MYNN: variants seen among roughly 807,000 people sequenced by gnomAD.
MYNN encodes the protein myoneurin.
A neutral mutation model predicts 57.2 loss-of-function variants in MYNN; 22 were observed. The observed-to-expected ratio is 0.38, with a 90% CI of 0.27 to 0.55. The LOEUF is 0.55. Among genes scored for constraint, MYNN ranks in the 20% least tolerant of loss-of-function variants. The pLI, the probability that MYNN is intolerant of heterozygous loss-of-function variation, is 0.71. For synonymous variants in MYNN, 241 were observed against 257.1 expected, an observed-to-expected ratio of 0.94 and a Z score of 0.60; for missense variants, 566 against 723.1, an observed-to-expected ratio of 0.78 and a Z score of 2.49.
rs911906436 is a variant in MYNN, at chr3:169,788,508, G to T, written c.*1830G>T. On this transcript the variant is annotated 3_prime_UTR_variant, in exon 8 of 8. Coordinates refer to ENST00000349841, the MANE Select transcript of MYNN (RefSeq NM_018657.5). ...TTAGGAAGTTTGCTAAAATGGAGAGGTTATGTTTAATTTATTTATATCTTC... is the reference window on the plus strand; with the variant it reads ...TTAGGAAGTTTGCTAAAATGGAGAGTTTATGTTTAATTTATTTATATCTTC... 1 of 152,128 alleles carries T rather than the reference G, an allele frequency of 6.6e-6. No homozygotes were observed. Among genetic ancestry groups the T allele is most frequent in the Non-Finnish European group, 1.5e-5 (1 of 67,988 alleles). 9.4% of individuals were successfully genotyped at this position (152,128 alleles called of 1,614,324 possible). A position where few individuals can be genotyped will look rare whatever the true frequency, so the allele number is the denominator to read the frequency against.
At position 169,782,858 on chromosome 3, in the gene MYNN, T is replaced by C. The variant is rs1199524048; in HGVS notation, c.1399+215T>C. 6.6e-6 allele frequency among the ~76,000 whole-genome samples: 1 copy of C among 152,206 alleles called. No individual in the cohort carries two copies. The highest frequency in any genetic ancestry group is 1.5e-5 in the Non-Finnish European group (1 of 68,028). The stretch of plus-strand genomic sequence containing the variant: ...AGGTGGGTGAAATAAATTATATAAC[T>C]TACACATTAAAATCAGTGAGATAAT... On this transcript the variant is annotated intron_variant, in intron 5 of 7. Coordinates refer to ENST00000349841, the MANE Select transcript of MYNN (RefSeq NM_018657.5). The surrounding 1 kb of genome is among the most constrained non-coding windows in gnomAD (Gnocchi z 4.8).
At position 169,786,421 on chromosome 3, in the gene MYNN, G is replaced by A; in HGVS notation, c.1576G>A (p.Asp526Asn). Reference protein sequence around the residue: ...KHKTKVHSGADKTLDSSAEDH... With the variant: ...KHKTKVHSGANKTLDSSAEDH... ...TTTTTTTCCTTCCATTCTAGGTGCA[G>A]ATAAAACTCTAGACTCCAGTGCAGA... Residue 526 changes from aspartate to asparagine, a missense_variant, in exon 8 of 8, where the codon GAT becomes AAT. By Grantham distance (23) the Asp-to-Asn change is conservative. This residue lies in a region of MYNN where 156 missense variants were observed against 163.9 expected (regional missense o/e 0.95). Coordinates refer to ENST00000349841, the MANE Select transcript of MYNN (RefSeq NM_018657.5). 1 of 1,609,314 alleles carries A rather than the reference G, an allele frequency of 6.2e-7. No homozygotes were observed. The highest frequency in any genetic ancestry group is 8.5e-7 in the Non-Finnish European group (1 of 1,176,776).
chr3:169,783,432 T>C lies in MYNN; in HGVS notation c.1400-45T>C, dbSNP rs546074889. The C allele has an allele frequency of 2.9e-6, 3 of 1,036,316 alleles. No homozygotes were observed. The South Asian group carries it at 4.2e-5, about 14-fold the overall frequency. 64.2% of individuals were successfully genotyped at this position (1,036,316 alleles called of 1,614,324 possible). On this transcript the variant is annotated intron_variant, in intron 5 of 7. Transcript: ENST00000349841. The stretch of plus-strand genomic sequence containing the variant: ...GATTATTTGTAATTGATAAATATTA[T>C]ATTGGTATAGTACACCACTTCGCTA...
chr3:169,784,928 A>AC (rs1326108998), intron 7 of MYNN, among the ~76,000 whole-genome samples: 1 of 151,462 alleles, frequency 6.6e-6, no homozygotes, highest in Non-Finnish European at 1.5e-5. Flanking sequence ...AAAAAAAAAA[A>AC]AACTTGAAAC....
chr3:169,773,773 C>T (rs1778245303), intron 1 of MYNN, among the ~76,000 whole-genome samples: 1 of 152,182 alleles, frequency 6.6e-6, no homozygotes, highest in African/African-American at 2.4e-5. Context: ...CCTTTGACAG[C>T]AAGCCATGGC....
At chr3:169,785,510 C>T (rs1778651998) in intron 7 of MYNN, among the ~76,000 whole-genome samples, 2 of 151,746 alleles carry the variant, frequency 1.3e-5, no homozygotes, top group South Asian at 2.1e-4. Flanking sequence ...AGGGCATAAT[C>T]GACACAAAAG....
At position 169,779,352 on chromosome 3, in the gene MYNN, A is replaced by T; in HGVS notation, c.851A>T (p.Tyr284Phe). 6.2e-6 allele frequency: 10 copies of T among 1,614,236 alleles called. No homozygotes were observed. The highest frequency in any genetic ancestry group is 1.3e-5 in the African/African-American group (1 of 75,080). Residue 284 changes from tyrosine (Y) to phenylalanine (F), a missense_variant, in exon 3 of 8, where the codon TAT becomes TTT. Physicochemically the swap from Tyr to Phe is conservative, Grantham distance 22. Around this residue, in one of 4 missense-constraint regions of MYNN, gnomAD observed 261 missense variants for 280.8 expected, o/e 0.93. Coordinates refer to ENST00000349841, the MANE Select transcript of MYNN (RefSeq NM_018657.5). ...MSNIASVKSP[Y>F]EAENSGEELD... ...AATATAGCCAGCGTCAAGAGTCCTT[A>T]TGAGGCGGAGAACTCCGGGGAAGAG...
rs763965351 is a variant in MYNN, at chr3:169,774,503, G to A, written c.208G>A (p.Ala70Thr). The A allele has an allele frequency of 1.9e-6, 3 of 1,613,850 alleles. No individual in the cohort carries two copies. Among genetic ancestry groups the A allele is most frequent in the African/African-American group, 1.3e-5 (1 of 74,918 alleles). The change falls in exon 2 of 8, where the codon GCT becomes ACT. Residue 70 changes from alanine to threonine, a missense_variant. Transcript: ENST00000349841. ...CTTTCTTGATCAGAGTCAGGTGAAGGCTGATGGATTTCAGAAACTGTTGGA... is the reference window on the plus strand; with the variant it reads ...CTTTCTTGATCAGAGTCAGGTGAAGACTGATGGATTTCAGAAACTGTTGGA... ...NVFLDQSQVK[A>T]DGFQKLLEFI...
chr3:169,779,013 C>A lies in MYNN; in HGVS notation c.512C>A (p.Ala171Glu), dbSNP rs764466451. The A allele has an allele frequency of 6.2e-7, 1 of 1,613,786 alleles. No individual in the cohort carries two copies. The highest frequency in any genetic ancestry group is 8.5e-7 in the Non-Finnish European group (1 of 1,180,016). The change falls in exon 3 of 8, where the codon GCG (alanine) becomes GAG (glutamate). Residue 171 changes from alanine to glutamate, a missense_variant. Around this residue, in one of 4 missense-constraint regions of MYNN, gnomAD observed 261 missense variants for 280.8 expected, o/e 0.93. Coordinates refer to ENST00000349841, the MANE Select transcript of MYNN (RefSeq NM_018657.5). ...DLIQANPKQG[A>E]LAKKSSQTKK... ...ATTCAGGCAAATCCTAAACAAGGCGCGTTAGCGAAAAAGTCATCTCAAACG... is the reference window on the plus strand; with the variant it reads ...ATTCAGGCAAATCCTAAACAAGGCGAGTTAGCGAAAAAGTCATCTCAAACG...
Position 169,788,307 on chromosome 3 carries a change from C to A in MYNN, c.*1629C>A, listed in dbSNP as rs76993079. 2 of 152,084 alleles carry A rather than the reference C, an allele frequency of 1.3e-5. No individual in the cohort carries two copies. Among genetic ancestry groups the A allele is most frequent in the South Asian group, 4.1e-4 (2 of 4,830 alleles). The allele number at this position is 152,084 out of a possible 1,614,324, so 9.4% of individuals were successfully genotyped here. ...TTTGAAATACCACCTTTGTATGATGCAAACAATATTTGATTATTTTATCTA... is the reference window on the plus strand; with the variant it reads ...TTTGAAATACCACCTTTGTATGATGAAAACAATATTTGATTATTTTATCTA... On this transcript the variant is annotated 3_prime_UTR_variant, in exon 8 of 8. Coordinates refer to ENST00000349841, the MANE Select transcript of MYNN (RefSeq NM_018657.5).
In MYNN at chr3:169,779,226, A is replaced by G. The variant is rs149700988; in HGVS notation, c.725A>G (p.Glu242Gly). ...NSELELTSVV[E>G]NTFPAQDIVH... ...GAACTCGAGTTGACATCAGTTGTGG[A>G]AAATACTTTTCCAGCACAAGATATT... Residue 242 changes from glutamate (E) to glycine (G), a missense_variant, in exon 3 of 8, where the codon GAA (glutamate) becomes GGA (glycine). By Grantham distance (98) the Glu-to-Gly change is moderately conservative. Transcript: ENST00000349841. 6.2e-7 allele frequency: 1 copy of G among 1,614,104 alleles called. No homozygotes were observed. Among genetic ancestry groups the G allele is most frequent in the Non-Finnish European group, 8.5e-7 (1 of 1,180,050 alleles).
rs147441397 is a variant in MYNN at position 169,779,019 on chromosome 3, C to T, written c.518C>T (p.Ala173Val). 4.1e-5 allele frequency: 66 copies of T among 1,613,742 alleles called. No homozygotes were observed. The Admixed American group carries it at 9.2e-4, about 22-fold the overall frequency. Residue 173 changes from alanine (A) to valine (V), a missense_variant, in exon 3 of 8, where the codon GCG becomes GTG. By Grantham distance (64) the Ala-to-Val change is moderately conservative (BLOSUM62 0). Transcript: ENST00000349841. ...GCAAATCCTAAACAAGGCGCGTTAG[C>T]GAAAAAGTCATCTCAAACGAAAAAG... ...IQANPKQGAL[A>V]KKSSQTKKKK...
chr3:169,786,886 T>G lies in MYNN; in HGVS notation c.*208T>G. 1 of 529,944 alleles carries G rather than the reference T, an allele frequency of 1.9e-6. No homozygotes were observed. The highest frequency in any genetic ancestry group is 2.6e-5 in the South Asian group (1 of 38,044). 32.8% of individuals were successfully genotyped at this position (529,944 alleles called of 1,614,324 possible). A position where few individuals can be genotyped will look rare whatever the true frequency, so the allele number is the denominator to read the frequency against. On this transcript the variant is annotated 3_prime_UTR_variant, in exon 8 of 8. Transcript: ENST00000349841. Reference sequence around the variant, plus strand: ...TATACTCCACAGAGAGCTTTTTAAGTAATGAATTATGTAGCACTATTTTGG... The same window carrying G: ...TATACTCCACAGAGAGCTTTTTAAGGAATGAATTATGTAGCACTATTTTGG...
chr3:169,780,782 G>A, intron 4 of MYNN, 33 bp downstream of exon 4: 1 of 1,549,132 alleles, frequency 6.5e-7, no homozygotes, highest in South Asian at 1.2e-5. Context: ...TGATCTTTTA[G>A]TCTTTTAATC....
chr3:169,776,415 CT>C (rs1383505647), intron 2 of MYNN, among the ~76,000 whole-genome samples: 1 of 152,180 alleles, frequency 6.6e-6, no homozygotes, highest in East Asian at 1.9e-4. Flanking sequence ...GGACAGGTTA[CT>C]TTATTTCTTT....
At position 169,782,411 on chromosome 3, in the gene MYNN, C is replaced by G; in HGVS notation, c.1221-54C>G. 1.4e-6 allele frequency: 2 copies of G among 1,414,988 alleles called. No individual in the cohort carries two copies. The highest frequency in any genetic ancestry group is 1.9e-6 in the Non-Finnish European group (2 of 1,033,542). 87.7% of individuals were successfully genotyped at this position (1,414,988 alleles called of 1,614,324 possible). On this transcript the variant is annotated intron_variant, in intron 4 of 7. Coordinates refer to ENST00000349841, the MANE Select transcript of MYNN (RefSeq NM_018657.5). The surrounding 1 kb of genome is among the most constrained non-coding windows in gnomAD (Gnocchi z 4.8). ...CTATAAAAAACTTTATGAATTCTTGCTATATAGACTGACCTCCAAATTGTT... is the reference window on the plus strand; with the variant it reads ...CTATAAAAAACTTTATGAATTCTTGGTATATAGACTGACCTCCAAATTGTT...
Position 169,778,812 on chromosome 3 carries a change from T to A in MYNN, c.311T>A (p.Val104Glu), listed in dbSNP as rs1202102032. 1.2e-6 allele frequency: 2 copies of A among 1,610,586 alleles called. No individual in the cohort carries two copies. The change falls in exon 3 of 8, where the codon GTG becomes GAG. Residue 104 changes from valine (V) to glutamate (E), a missense_variant. Coordinates refer to ENST00000349841, the MANE Select transcript of MYNN (RefSeq NM_018657.5). ...CATCAGGCTGCTGACTATCTCAAAG[T>A]GGAAGAGGTGGTCACTAAATGCAAA... ...EIHQAADYLK[V>E]EEVVTKCKIK...
At chr3:169,783,171 G>T (rs1449749030) in intron 5 of MYNN, among the ~76,000 whole-genome samples, 1 of 152,024 alleles carries the variant, frequency 6.6e-6, no homozygotes, top group Non-Finnish European at 1.5e-5. Context: ...TAGATAGCAA[G>T]AATAGAAATG....
chr3:169,774,886 T>C (rs921977123), intron 2 of MYNN, among the ~76,000 whole-genome samples: 1 of 152,206 alleles, frequency 6.6e-6, no homozygotes, highest in African/African-American at 2.4e-5. Context: ...TCACCCAGGC[T>C]GGAGTGCAGT....
Sources: allele counts gnomAD v4.1 joint callset (sites outside exome capture counted in the v4.1 genomes callset), GRCh38; gene constraint gnomAD v4.1.1; regional missense constraint gnomAD v4.1.1; non-coding constraint Gnocchi (gnomAD v3.1); transcripts MANE v1.5; gene names NCBI Gene and HGNC (gene_info 2026-07-23, HGNC 2026-07-21).